The following SGCZ variants were observed in gnomAD, a reference collection of about 807,000 sequenced individuals.
The protein encoded by SGCZ is zeta-sarcoglycan.
Under a neutral mutation model 41.3 loss-of-function variants are expected in SGCZ, and 40 were observed. The observed-to-expected ratio is 0.97, with a 90% CI of 0.75 to 1.26. The LOEUF (loss-of-function observed/expected upper bound fraction) is 1.26. Among genes scored for constraint, SGCZ ranks in the 50% most tolerant of loss-of-function variants. The pLI, the probability that SGCZ is intolerant of heterozygous loss-of-function variation, is 0.00. For synonymous variants in SGCZ, 206 were observed against 137.5 expected (o/e 1.50, Z -3.49); for missense variants, 552 against 369.8 (o/e 1.49, Z -4.04).
At position 14,466,397 on chromosome 8, in the gene SGCZ, C is replaced by A. The variant is rs75531748; in HGVS notation, c.234+88335G>T. On this transcript the variant is annotated intron_variant, in intron 2 of 7. Coordinates refer to ENST00000382080, the MANE Select transcript of SGCZ (RefSeq NM_139167.4). ...CACTTGTCTTTTGGCTTCCAATAGT[C>A]TCTCTTTGTCTTTGTCTTCCAAAGG... Among the ~76,000 whole-genome samples, 82 of 152,116 alleles carry A rather than the reference C, an allele frequency of 5.4e-4. No individual in the cohort carries two copies. In the East Asian group the frequency reaches 0.01, roughly 19 times the overall value.
intron 1 of SGCZ, among the ~76,000 whole-genome samples, chr8:14,607,919 T>C (rs1290670760): frequency 6.6e-6 from 1 of 152,188 alleles, no homozygotes; most frequent in Admixed American, 6.5e-5. Flanking sequence ...TAAAAATATG[T>C]TCAGGCCACT....
intron 2 of SGCZ, among the ~76,000 whole-genome samples, chr8:14,538,868 C>A (rs1041364150): frequency 6.6e-6 from 1 of 151,826 alleles, no homozygotes; most frequent in African/African-American, 2.4e-5. Flanking sequence ...ATGGTTCCCT[C>A]TAATTGCAAT....
chr8:14,804,521 G>T (rs1160531671), intron 1 of SGCZ, among the ~76,000 whole-genome samples: 86 of 117,704 alleles, frequency 7.3e-4, no homozygotes, highest in Admixed American at 1.1e-3. Flanking sequence ...AGAAGGGAAG[G>T]TTAGAGAAAA....
chr8:14,938,767 G>T (rs892795410), intron 1 of SGCZ, among the ~76,000 whole-genome samples: 7 of 151,956 alleles, frequency 4.6e-5, no homozygotes, highest in Non-Finnish European at 1.0e-4. Context: ...ACCAAATACC[G>T]TGTGTTCCCA....
At chr8:14,271,938 C>G (rs566331107) in intron 3 of SGCZ, among the ~76,000 whole-genome samples, 2 of 152,272 alleles carry the variant, frequency 1.3e-5, no homozygotes, top group South Asian at 2.1e-4. Flanking sequence ...ATGGTGATGA[C>G]CTAATTCCCA....
chr8:14,201,047 T>G (rs1246180420), intron 4 of SGCZ, among the ~76,000 whole-genome samples: 1 of 152,102 alleles, frequency 6.6e-6, no homozygotes, highest in East Asian at 1.9e-4. Flanking sequence ...ATGCTCAATA[T>G]AGCTAGTAAT....
At chr8:14,296,669 A>G (rs1360808563) in intron 3 of SGCZ, among the ~76,000 whole-genome samples, 1 of 152,148 alleles carries the variant, frequency 6.6e-6, no homozygotes, top group African/African-American at 2.4e-5. Context: ...GGTACATTAA[A>G]CTTGCATATT....
intron 1 of SGCZ, among the ~76,000 whole-genome samples, chr8:14,796,355 G>C (rs562136380): frequency 6.6e-6 from 1 of 152,054 alleles, no homozygotes; most frequent in African/African-American, 2.4e-5. Flanking sequence ...CTGGCCTCAA[G>C]TGATCATTCC....
intron 2 of SGCZ, chr8:14,487,641 A>G (rs73190207): frequency 8.4e-6 from 1 of 118,402 alleles, no homozygotes; most frequent in Admixed American, 8.3e-5. Flanking sequence ...ATATTGCTGA[A>G]TCCTCAGCTG....
intron 4 of SGCZ, among the ~76,000 whole-genome samples, chr8:14,191,726 C>A (rs1271232410): frequency 6.6e-6 from 1 of 152,004 alleles, no homozygotes; most frequent in Non-Finnish European, 1.5e-5. Flanking sequence ...AAGAGAGAAA[C>A]TAAGGGTATG....
chr8:14,366,125 G>A (rs1803698015), intron 2 of SGCZ, among the ~76,000 whole-genome samples: 2 of 152,090 alleles, frequency 1.3e-5, no homozygotes, highest in African/African-American at 4.8e-5. Context: ...AATCAATGAT[G>A]AATAAATGAG....
chr8:14,272,107 G>T (rs1260343936), intron 3 of SGCZ, among the ~76,000 whole-genome samples: 5 of 152,098 alleles, frequency 3.3e-5, no homozygotes, highest in African/African-American at 9.7e-5. Flanking sequence ...AGGTTCAAGC[G>T]ATTCTCCTGC....
At chr8:14,936,241 A>T (rs1800078136) in intron 1 of SGCZ, among the ~76,000 whole-genome samples, 1 of 151,940 alleles carries the variant, frequency 6.6e-6, no homozygotes, top group Non-Finnish European at 1.5e-5. Flanking sequence ...TCCTTGACTT[A>T]CAATGGGGTT....
chr8:14,587,364 C>T (rs986543163), intron 1 of SGCZ, among the ~76,000 whole-genome samples: 14 of 141,704 alleles, frequency 9.9e-5, no homozygotes, highest in African/African-American at 2.9e-4. Flanking sequence ...TCTACACTTG[C>T]ATTTGGAGCT....
chr8:14,130,410 A>G (rs1009107741), intron 5 of SGCZ, among the ~76,000 whole-genome samples: 3 of 152,194 alleles, frequency 2.0e-5, no homozygotes, highest in Non-Finnish European at 4.4e-5. Flanking sequence ...TTAAGAAAAT[A>G]TAGATAACAG....
At chr8:14,240,798 G>C (rs9942807) in intron 3 of SGCZ, among the ~76,000 whole-genome samples, 1 of 152,056 alleles carries the variant, frequency 6.6e-6, no homozygotes, top group African/African-American at 2.4e-5. Context: ...TATCTTTGTG[G>C]ATTAGACCCA....
chr8:14,190,843 C>G (rs1454428237), intron 4 of SGCZ, among the ~76,000 whole-genome samples: 1 of 152,064 alleles, frequency 6.6e-6, no homozygotes, highest in Non-Finnish European at 1.5e-5. Context: ...ACCTTGTGAT[C>G]CACCCGCCTC....
chr8:14,676,879 C>A (rs895018197), intron 1 of SGCZ, among the ~76,000 whole-genome samples: 2 of 151,986 alleles, frequency 1.3e-5, no homozygotes, highest in African/African-American at 4.8e-5. Flanking sequence ...TAGAAACTAC[C>A]AGATTTACTG....
At chr8:14,595,441 A>ACACC (rs1223345084) in intron 1 of SGCZ, among the ~76,000 whole-genome samples, 82 of 148,130 alleles carry the variant, frequency 5.5e-4, no homozygotes, top group African/African-American at 2.0e-3. Context: ...ACACACACAC[A>ACACC]CCATGTACTG....
Sources: gnomAD v4.1 joint callset for allele counts (sites outside exome capture counted in the v4.1 genomes callset) on GRCh38, gnomAD v4.1.1 for gene constraint, MANE v1.5 for transcripts, NCBI Gene and HGNC (gene_info 2026-07-23, HGNC 2026-07-21) for gene names.